The following ESRRG variants were observed in gnomAD, a reference collection of about 807,000 sequenced individuals.
ESRRG encodes the protein estrogen related receptor gamma.
In ESRRG, 13 loss-of-function variants were observed where a neutral mutation model predicts 44.0. The observed-to-expected ratio is 0.30, with a 90% CI of 0.19 to 0.47. The LOEUF (loss-of-function observed/expected upper bound fraction) is 0.47. ESRRG is among the 20% of genes least tolerant of loss of function. The pLI is 1.00. For synonymous variants in ESRRG, 215 were observed against 214.6 expected (o/e 1.00, Z -0.02); for missense variants, 395 against 580.6 (o/e 0.68, Z 3.29).
intron 1 of ESRRG, among the ~76,000 whole-genome samples, chr1:216,699,644 C>T (rs932145651): frequency 3.3e-5 from 5 of 151,610 alleles, no homozygotes; most frequent in African/African-American, 9.7e-5. Context: ...ATGCCATTTT[C>T]ACTTGTTACA....
chr1:216,537,128 C>T (rs899444806), intron 5 of ESRRG, among the ~76,000 whole-genome samples: 1 of 151,950 alleles, frequency 6.6e-6, no homozygotes, highest in Non-Finnish European at 1.5e-5. Context: ...AAAGGTATGA[C>T]ATTAGGAAGG....
chr1:216,687,924 C>G lies in ESRRG; in HGVS notation c.57-10433G>C, dbSNP rs80344822. On this transcript the variant is annotated intron_variant, in intron 1 of 6. Coordinates refer to ENST00000408911, the MANE Select transcript of ESRRG (RefSeq NM_001438.4). ...ATTTGGTAACTTTACTACATCACAT[C>G]AAAGTCCTTCTCCTTAAAAATAATA... Among the ~76,000 whole-genome samples, 1,453 of 152,220 alleles carry G rather than the reference C, an allele frequency of 9.5e-3. 20 individuals carry two copies. The highest frequency in any genetic ancestry group is 0.033 in the African/African-American group (1,376 of 41,538).
intron 1 of ESRRG, among the ~76,000 whole-genome samples, chr1:216,709,083 G>A (rs2083032598): frequency 6.6e-6 from 1 of 152,108 alleles, no homozygotes; most frequent in African/African-American, 2.4e-5. Flanking sequence ...GGGGCTAAGG[G>A]AGGGATAGCA....
upstream of ESRRG, among the ~76,000 whole-genome samples, chr1:217,092,375 T>A (rs55660647): frequency 6.6e-6 from 1 of 152,176 alleles, no homozygotes; most frequent in Admixed American, 6.5e-5. Flanking sequence ...TTAGACCTTG[T>A]AAATCTAATT....
chr1:216,980,144 T>C (rs2073696708), intron 1 of ESRRG, among the ~76,000 whole-genome samples: 1 of 152,180 alleles, frequency 6.6e-6, no homozygotes, highest in South Asian at 2.1e-4. Flanking sequence ...AAATCCTACT[T>C]TTTCTTGTTT....
intron 1 of ESRRG, among the ~76,000 whole-genome samples, chr1:216,970,142 G>A (rs949036053): frequency 1.3e-5 from 2 of 152,066 alleles, no homozygotes; most frequent in African/African-American, 2.4e-5. Context: ...TACTATATTA[G>A]ACAGAAAAAT....
intron 2 of ESRRG, among the ~76,000 whole-genome samples, chr1:216,826,732 C>T (rs17044015): frequency 0.14 from 21,164 of 152,072 alleles, 1,567 homozygotes; most frequent in African/African-American, 0.17. Context: ...GGCCATACTA[C>T]ACAAATTCCA....
In ESRRG at chr1:216,503,988, C is replaced by T. The variant is rs560623597; in HGVS notation, c.*2951G>A. On this transcript the variant is annotated 3_prime_UTR_variant, in exon 7 of 7. Transcript: ENST00000408911. ...TAAGATGAGCATTTACCCTAAAGCC[C>T]GTGCAGTTCTTTTTAAATCCACGTT... is the stretch of plus-strand genomic sequence containing the variant. 9 of 152,572 alleles carry T rather than the reference C, an allele frequency of 5.9e-5. No homozygotes were observed. In the East Asian group the frequency reaches 1.7e-3, roughly 30 times the overall value. 9.5% of individuals were successfully genotyped at this position (152,572 alleles called of 1,614,324 possible).
intron 2 of ESRRG, among the ~76,000 whole-genome samples, chr1:216,842,086 T>C (rs6657526): frequency 0.034 from 5,107 of 152,234 alleles, 302 homozygotes; most frequent in African/African-American, 0.11. Flanking sequence ...ATAAGCCTCT[T>C]CATTATTCAT....
intron 1 of ESRRG, among the ~76,000 whole-genome samples, chr1:217,050,560 G>A (rs11572412): frequency 6.1e-4 from 93 of 152,196 alleles, no homozygotes; most frequent in South Asian, 1.9e-3. Flanking sequence ...GGTGACTGGG[G>A]ATCAATTGAC....
At chr1:216,592,037 A>T (rs1233790146) in intron 3 of ESRRG, among the ~76,000 whole-genome samples, 1 of 152,228 alleles carries the variant, frequency 6.6e-6, no homozygotes, top group Admixed American at 6.5e-5. Flanking sequence ...GCCATCTGAT[A>T]TAATGCGATG....
intron 2 of ESRRG, among the ~76,000 whole-genome samples, chr1:216,934,069 CCTTTCTCCCAACT>C (rs1226694752): frequency 5.3e-5 from 8 of 152,286 alleles, no homozygotes; most frequent in South Asian, 4.1e-4. Flanking sequence ...TGTGTATCAT[CCTTTCTCCCAACT>C]CTTTCTCCCA....
intron 1 of ESRRG, among the ~76,000 whole-genome samples, chr1:217,015,549 G>A (rs2079220666): frequency 6.6e-6 from 1 of 151,966 alleles, no homozygotes; most frequent in South Asian, 2.1e-4. Flanking sequence ...ATGTCATCCT[G>A]ATACATGGAA....
intron 2 of ESRRG, among the ~76,000 whole-genome samples, chr1:216,774,563 C>G (rs1422742910): frequency 1.3e-5 from 2 of 152,078 alleles, no homozygotes; most frequent in Non-Finnish European, 2.9e-5. Flanking sequence ...AAATATACCA[C>G]TGCGTACTTT....
intron 1 of ESRRG, among the ~76,000 whole-genome samples, chr1:216,987,343 C>A (rs763429699): frequency 6.6e-6 from 1 of 152,222 alleles, no homozygotes; most frequent in Non-Finnish European, 1.5e-5. Flanking sequence ...GAATACAATG[C>A]TAGTGGCACC....
At position 216,504,308 on chromosome 1, in the gene ESRRG, G is replaced by A. The variant is rs1336064552; in HGVS notation, c.*2631C>T. On this transcript the variant is annotated 3_prime_UTR_variant, in exon 7 of 7. Coordinates refer to ENST00000408911, the MANE Select transcript of ESRRG (RefSeq NM_001438.4). Reference sequence around the variant, plus strand: ...ACTTACATATATAAATAATCTTATAGAATCAGCACCTTTTTTCCCAGGAGT... The same window carrying A: ...ACTTACATATATAAATAATCTTATAAAATCAGCACCTTTTTTCCCAGGAGT... The A allele has an allele frequency of 6.6e-6, 1 of 152,214 alleles. No homozygotes were observed. Among genetic ancestry groups the A allele is most frequent in the Non-Finnish European group, 1.5e-5 (1 of 67,966 alleles). The allele number at this position is 152,214 out of a possible 1,614,324, so 9.4% of individuals were successfully genotyped here.
chr1:216,587,599 G>A (rs978930596), intron 3 of ESRRG, among the ~76,000 whole-genome samples: 4 of 152,126 alleles, frequency 2.6e-5, no homozygotes, highest in Non-Finnish European at 5.9e-5. Context: ...GACAATAATT[G>A]TTGTCACAAG....
intron 2 of ESRRG, among the ~76,000 whole-genome samples, chr1:216,754,558 A>G (rs1283758327): frequency 6.6e-6 from 1 of 151,946 alleles, no homozygotes; most frequent in African/African-American, 2.4e-5. Flanking sequence ...ATAAGAAACA[A>G]TGAGTTTGGC....
intron 1 of ESRRG, among the ~76,000 whole-genome samples, chr1:217,030,810 T>C (rs2081962889): frequency 1.3e-5 from 2 of 152,202 alleles, no homozygotes; most frequent in African/African-American, 4.8e-5. Context: ...ACCTCCAAAG[T>C]GCAAAAATAT....
Sources: allele counts gnomAD v4.1 joint callset (sites outside exome capture counted in the v4.1 genomes callset), GRCh38; gene constraint gnomAD v4.1.1; transcripts MANE v1.5; gene names NCBI Gene and HGNC (gene_info 2026-07-23, HGNC 2026-07-21).